Variants in STAG1 observed in about 807,000 individuals in gnomAD.
STAG1 encodes the protein STAG1 cohesin complex component, also known as cohesin subunit SA-1.
Under a neutral mutation model 170.9 loss-of-function variants are expected in STAG1, and 26 were observed. That is an observed-to-expected ratio of 0.15 (90% CI 0.11 to 0.21). STAG1 has a LOEUF of 0.21. Among genes scored for constraint, STAG1 ranks in the 10% least tolerant of loss-of-function variants. The probability of loss-of-function intolerance (pLI) is 1.00; values close to 1 mark genes in which losing one functional copy is unlikely to be tolerated. For synonymous variants in STAG1, 514 were observed against 497.7 expected, an observed-to-expected ratio of 1.03 and a Z score of -0.44; for missense variants, 964 against 1,509.5, an observed-to-expected ratio of 0.64 and a Z score of 5.99.
intron 1 of STAG1, among the ~76,000 whole-genome samples, chr3:136,706,651 C>T (rs1220129243): frequency 2.0e-5 from 3 of 152,144 alleles, no homozygotes; most frequent in African/African-American, 7.2e-5. Context: ...AAACAACGTA[C>T]AGATTCGGTG....
chr3:136,354,753 C>T (rs201255164), intron 28 of STAG1, among the ~76,000 whole-genome samples: 1 of 624 alleles, frequency 1.6e-3, no homozygotes, highest in Non-Finnish European at 3.1e-3. Flanking sequence ...GGAGAAAGAA[C>T]CAAAAAAAAA....
intron 1 of STAG1, among the ~76,000 whole-genome samples, chr3:136,738,955 A>G (rs1406563402): frequency 1.3e-5 from 2 of 152,206 alleles, no homozygotes; most frequent in African/African-American, 2.4e-5. Flanking sequence ...AAAAGACTCT[A>G]AACTGTATTC....
At chr3:136,549,548 G>T (rs1461770728) in intron 5 of STAG1, among the ~76,000 whole-genome samples, 2 of 152,052 alleles carry the variant, frequency 1.3e-5, no homozygotes, top group Admixed American at 6.6e-5. Flanking sequence ...TGATCTGCCT[G>T]CCTCAGCCTC....
Position 136,363,359 on chromosome 3 carries a change from T to G in STAG1, c.2787+7A>C. 6.7e-7 allele frequency: 1 copy of G among 1,501,360 alleles called. No individual in the cohort carries two copies. The highest frequency in any genetic ancestry group is 9.2e-7 in the Non-Finnish European group (1 of 1,083,600). 93.0% of individuals were successfully genotyped at this position (1,501,360 alleles called of 1,614,324 possible). A position where few individuals can be genotyped will look rare whatever the true frequency, so the allele number is the denominator to read the frequency against. ...ATTCTTTGTCTCCCTCTCTCCAAATTTCTTACCTGTTGCAAACTGAGAATG... is the reference window on the plus strand; with the variant it reads ...ATTCTTTGTCTCCCTCTCTCCAAATGTCTTACCTGTTGCAAACTGAGAATG... On this transcript the variant is annotated splice_region_variant and intron_variant, in intron 26 of 33. Coordinates refer to ENST00000383202, the MANE Select transcript of STAG1 (RefSeq NM_005862.3).
rs80239582 is a variant in STAG1, at chr3:136,375,047, C to A, written c.2370+2613G>T. Among the ~76,000 whole-genome samples, 23 of 152,236 alleles carry A rather than the reference C, an allele frequency of 1.5e-4. No homozygotes were observed. In the East Asian group the frequency reaches 2.3e-3, roughly 15 times the overall value. On this transcript the variant is annotated intron_variant, in intron 23 of 33. Coordinates refer to ENST00000383202, the MANE Select transcript of STAG1 (RefSeq NM_005862.3). The stretch of plus-strand genomic sequence containing the variant: ...CATAGCCTAAGAGGAATAGGCCATA[C>A]CATAGAGCATAGGCATGTGGTAGGC...
intron 28 of STAG1, among the ~76,000 whole-genome samples, chr3:136,350,460 A>G (rs1400376765): frequency 6.6e-6 from 1 of 152,174 alleles, no homozygotes; most frequent in Non-Finnish European, 1.5e-5. Flanking sequence ...CTCCTGGGGT[A>G]AAACACTACC....
At chr3:136,601,607 G>C (rs1399009297) in intron 4 of STAG1, among the ~76,000 whole-genome samples, 1 of 152,154 alleles carries the variant, frequency 6.6e-6, no homozygotes, top group South Asian at 2.1e-4. Flanking sequence ...TTGAGGTCAG[G>C]AGTTTGAGAG....
At chr3:136,354,564 A>T (rs1354844939) in intron 28 of STAG1, among the ~76,000 whole-genome samples, 1 of 151,924 alleles carries the variant, frequency 6.6e-6, no homozygotes, top group East Asian at 1.9e-4. Context: ...AGCCTCCCAA[A>T]GTGCTGGGAT....
intron 4 of STAG1, among the ~76,000 whole-genome samples, chr3:136,570,826 T>C (rs1315053956): frequency 2.0e-5 from 3 of 152,254 alleles, no homozygotes; most frequent in Non-Finnish European, 4.4e-5. Flanking sequence ...AGACTTTCTA[T>C]ACATAATACT....
chr3:136,606,583 T>C (rs73230004), intron 3 of STAG1, among the ~76,000 whole-genome samples: 4,950 of 152,266 alleles, frequency 0.033, 92 homozygotes, highest in Non-Finnish European at 0.049. Context: ...TAAGCTCCTT[T>C]TGGCTGTGAC....
At chr3:136,541,694 A>C (rs1427791418) in intron 6 of STAG1, among the ~76,000 whole-genome samples, 2 of 152,140 alleles carry the variant, frequency 1.3e-5, no homozygotes, top group Non-Finnish European at 2.9e-5. Context: ...TAAATAACAT[A>C]ATGTGATTTT....
chr3:136,379,519 G>A (rs1382295616), intron 22 of STAG1, among the ~76,000 whole-genome samples: 1 of 152,128 alleles, frequency 6.6e-6, no homozygotes, highest in Non-Finnish European at 1.5e-5. Flanking sequence ...GACCAGCCTG[G>A]CCAACATGAT....
At chr3:136,496,563 C>CA (rs572401004) in intron 9 of STAG1, among the ~76,000 whole-genome samples, 94 of 151,378 alleles carry the variant, frequency 6.2e-4, no homozygotes, top group African/African-American at 2.2e-3. Context: ...ATGGGTGAAA[C>CA]AAAAAAATCA....
At chr3:136,509,513 A>C (rs2107881458) in intron 7 of STAG1, among the ~76,000 whole-genome samples, 1 of 152,270 alleles carries the variant, frequency 6.6e-6, no homozygotes, top group South Asian at 2.1e-4. Flanking sequence ...AATATGAAAG[A>C]GGAAGACAGA....
chr3:136,430,800 T>C (rs895354393), intron 16 of STAG1, among the ~76,000 whole-genome samples: 10 of 97,464 alleles, frequency 1.0e-4, no homozygotes, highest in South Asian at 3.3e-4. Flanking sequence ...GAAACAGACA[T>C]AGACAGACAC....
intron 1 of STAG1, among the ~76,000 whole-genome samples, chr3:136,699,551 A>T (rs896402693): frequency 1.9e-4 from 27 of 141,586 alleles, no homozygotes; most frequent in South Asian, 1.1e-3. Flanking sequence ...CGTCTAATTT[A>T]TTTTTTTTTT....
chr3:136,471,847 T>C (rs2089635567), intron 12 of STAG1, among the ~76,000 whole-genome samples: 1 of 152,174 alleles, frequency 6.6e-6, no homozygotes, highest in Admixed American at 6.6e-5. Flanking sequence ...GAGTTATTTA[T>C]TTATTTTTGA....
At chr3:136,723,978 TG>T (rs1026481906) in intron 1 of STAG1, among the ~76,000 whole-genome samples, 4 of 142,154 alleles carry the variant, frequency 2.8e-5, no homozygotes, top group East Asian at 2.2e-4. Flanking sequence ...AGGAGGGAGG[TG>T]GGGGGGTCAG....
Position 136,502,806 on chromosome 3 carries a change from C to T in STAG1, c.677-27G>A, listed in dbSNP as rs370544081. ...TATGAAATGAAGAAATATTATAATACCTATGAATCAAAACTTTATCCATAT... is the reference window on the plus strand; with the variant it reads ...TATGAAATGAAGAAATATTATAATATCTATGAATCAAAACTTTATCCATAT... On this transcript the variant is annotated intron_variant, in intron 7 of 33. Coordinates refer to ENST00000383202, the MANE Select transcript of STAG1 (RefSeq NM_005862.3). 17 of 1,517,564 alleles carry T rather than the reference C, an allele frequency of 1.1e-5. No homozygotes were observed. In the African/African-American group the frequency reaches 2.1e-4, roughly 19 times the overall value. The allele number at this position is 1,517,564 out of a possible 1,614,324, so 94.0% of individuals were successfully genotyped here.
Sources: gnomAD v4.1 joint callset for allele counts (sites outside exome capture counted in the v4.1 genomes callset) on GRCh38, gnomAD v4.1.1 for gene constraint, MANE v1.5 for transcripts, NCBI Gene and HGNC (gene_info 2026-07-23, HGNC 2026-07-21) for gene names.